The following KCNG2 variants were observed in gnomAD, a reference collection of about 807,000 sequenced individuals.
KCNG2 encodes the protein potassium voltage-gated channel modifier subfamily G member 2.
A neutral mutation model predicts 12.3 loss-of-function variants in KCNG2; 7 were observed. The observed-to-expected ratio is 0.57, with a 90% confidence interval of 0.32 to 1.07. The LOEUF (loss-of-function observed/expected upper bound fraction) is 1.07, where lower values mean the gene tolerates loss of function less well. KCNG2 is among the 50% of genes least tolerant of loss of function. The probability of loss-of-function intolerance (pLI) is 0.04; values close to 1 mark genes in which losing one functional copy is unlikely to be tolerated. For missense variants in KCNG2, 703 were observed against 726.0 expected (o/e 0.97, Z 0.36); for synonymous variants, 414 against 351.4 (o/e 1.18, Z -1.99).
At chr18:79,810,500 C>CAG (rs754271651) in intron 1 of KCNG2, among the ~76,000 whole-genome samples, 3 of 152,172 alleles carry the variant, frequency 2.0e-5, no homozygotes, top group Non-Finnish European at 2.9e-5. Flanking sequence ...TAGCCAGATG[C>CAG]AGTGGCTCAT....
At chr18:79,861,987 A>G (rs1979239136) in intron 2 of KCNG2, among the ~76,000 whole-genome samples, 1 of 152,154 alleles carries the variant, frequency 6.6e-6, no homozygotes, top group Non-Finnish European at 1.5e-5. Flanking sequence ...CTTTTTTTTA[A>G]TATAACTTCT....
chr18:79,866,503 G>T (rs62103182), intron 3 of KCNG2, among the ~76,000 whole-genome samples: 22,636 of 42,802 alleles, frequency 0.53, 9,567 homozygotes, highest in South Asian at 0.67. Context: ...GAGAGGTCTG[G>T]GTGCTGAGGT....
intron 1 of KCNG2, among the ~76,000 whole-genome samples, chr18:79,819,860 A>G (rs896916370): frequency 6.6e-6 from 1 of 152,308 alleles, no homozygotes; most frequent in African/African-American, 2.4e-5. Context: ...ACTCCCCCAT[A>G]GTGCCACCTC....
intron 1 of KCNG2, among the ~76,000 whole-genome samples, chr18:79,855,922 G>A (rs1041960199): frequency 8.5e-5 from 13 of 152,136 alleles, no homozygotes. Flanking sequence ...TTCCCCCTTT[G>A]ATGTGAACTT....
Position 79,863,690 on chromosome 18 carries a change from C to T in KCNG2, c.23C>T (p.Pro8Leu), listed in dbSNP as rs1171289966. 1.7e-6 allele frequency: 2 copies of T among 1,181,850 alleles called. No homozygotes were observed. Among genetic ancestry groups the T allele is most frequent in the Non-Finnish European group, 2.1e-6 (2 of 957,086 alleles). The allele number at this position is 1,181,850 out of a possible 1,614,324, so 73.2% of individuals were successfully genotyped here. A position where few individuals can be genotyped will look rare whatever the true frequency, so the allele number is the denominator to read the frequency against. MEPWPCS[P>L]GGGGGTRARH... ...CGCATGGAGCCATGGCCCTGCTCCC[C>T]GGGCGGCGGCGGCGGGACCCGCGCC... Residue 8 changes from proline (P) to leucine (L), a missense_variant, in exon 3 of 4, where the codon CCG (proline) becomes CTG (leucine). Transcript: ENST00000316249.
At chr18:79,814,652 A>C (rs907228269) in intron 1 of KCNG2, among the ~76,000 whole-genome samples, 3 of 152,262 alleles carry the variant, frequency 2.0e-5, no homozygotes, top group Non-Finnish European at 4.4e-5. Flanking sequence ...GTGAGATTGT[A>C]CTGCAGTTTT....
chr18:79,862,438 G>A (rs377080939), intron 2 of KCNG2, among the ~76,000 whole-genome samples: 1 of 152,120 alleles, frequency 6.6e-6, no homozygotes, highest in Admixed American at 6.5e-5. Context: ...TTTGCAGATG[G>A]GCTCTGCGTG....
chr18:79,863,802 C>CTG lies in KCNG2; in HGVS notation c.135_136insTG (p.Leu46CysfsTer20). 7.6e-7 allele frequency: 1 copy of CTG among 1,321,560 alleles called. No homozygotes were observed. The highest frequency in any genetic ancestry group is 9.7e-7 in the Non-Finnish European group (1 of 1,030,644). The allele number at this position is 1,321,560 out of a possible 1,614,324, so 81.9% of individuals were successfully genotyped here. Reference sequence around the variant, plus strand: ...GATGCCCCCTCGCGCGCCTGGAGCGCCTGCGCGCCTGCCGCGGCCACGACG... The same window carrying CTG: ...GATGCCCCCTCGCGCGCCTGGAGCGCTGCTGCGCGCCTGCCGCGGCCACGACG... On this transcript the variant is annotated frameshift_variant, in exon 3 of 4. Coordinates refer to ENST00000316249, the MANE Select transcript of KCNG2 (RefSeq NM_012283.2). LOFTEE classifies it high-confidence loss of function.
intron 3 of KCNG2, among the ~76,000 whole-genome samples, chr18:79,869,400 G>A (rs1180514670): frequency 6.6e-6 from 1 of 152,200 alleles, no homozygotes; most frequent in African/African-American, 2.4e-5. Context: ...CTCAGGACCT[G>A]AGAACCCGGC....
At chr18:79,895,686 T>C (rs749480620) in intron 3 of KCNG2, among the ~76,000 whole-genome samples, 10 of 151,968 alleles carry the variant, frequency 6.6e-5, no homozygotes, top group Non-Finnish European at 1.0e-4. Context: ...TTACGATTGA[T>C]ATAGTTGAGT....
intron 3 of KCNG2, among the ~76,000 whole-genome samples, chr18:79,867,596 G>GC (rs1237857028): frequency 8.6e-6 from 1 of 116,576 alleles, no homozygotes; most frequent in Non-Finnish European, 1.9e-5. Context: ...TGTCGTGTCT[G>GC]GGGGGGGACC....
intron 1 of KCNG2, among the ~76,000 whole-genome samples, chr18:79,855,646 G>A (rs2123054704): frequency 1.3e-5 from 2 of 152,012 alleles, no homozygotes; most frequent in Middle Eastern, 3.4e-3. Flanking sequence ...AAACCTTCTG[G>A]TACTGGCTGG....
chr18:79,876,269 C>G (rs534823613), intron 3 of KCNG2: 1 of 152,456 alleles, frequency 6.6e-6, no homozygotes, highest in African/African-American at 2.4e-5. Flanking sequence ...AAAAGCCCCA[C>G]TAGGCAGGTA....
At chr18:79,889,610 C>T (rs533817854) in intron 3 of KCNG2, among the ~76,000 whole-genome samples, 19 of 152,328 alleles carry the variant, frequency 1.2e-4, no homozygotes, top group East Asian at 1.9e-4. Context: ...GTTGAACTCA[C>T]TAGTTTGAAT....
intron 1 of KCNG2, among the ~76,000 whole-genome samples, chr18:79,851,634 G>A (rs756854300): frequency 1.3e-5 from 2 of 151,876 alleles, no homozygotes; most frequent in African/African-American, 2.4e-5. Flanking sequence ...GTGTATGTGC[G>A]GTGTGCAAGT....
In KCNG2 at chr18:79,899,050, C is replaced by A; in HGVS notation, c.635C>A (p.Ser212Tyr). The A allele has an allele frequency of 6.4e-7, 1 of 1,565,316 alleles. No individual in the cohort carries two copies. The change falls in exon 4 of 4, where the codon TCC (serine) becomes TAC (tyrosine). Residue 212 changes from serine (S) to tyrosine (Y), a missense_variant. Physicochemically the swap from Ser to Tyr is moderately radical, Grantham distance 144. Coordinates refer to ENST00000316249, the MANE Select transcript of KCNG2 (RefSeq NM_012283.2). ...CCCCTCTCCCCGCAGGGCGAGTGCT[C>A]CCCCAAGTGCCGCAGCCTGTTCGTG... Reference protein sequence around the residue: ...IRAEEERGECSPKCRSLFVLE... With the variant: ...IRAEEERGECYPKCRSLFVLE...
chr18:79,870,573 C>T (rs1230163467), intron 3 of KCNG2, among the ~76,000 whole-genome samples: 1 of 152,226 alleles, frequency 6.6e-6, no homozygotes, highest in African/African-American at 2.4e-5. Flanking sequence ...GACTGTGCAT[C>T]TGCTCACTGG....
chr18:79,846,482 T>G (rs1037104873), intron 1 of KCNG2, among the ~76,000 whole-genome samples: 3 of 151,812 alleles, frequency 2.0e-5, no homozygotes, highest in Non-Finnish European at 4.4e-5. Context: ...TGAACTCATA[T>G]GTGTATCAGA....
At chr18:79,842,435 A>C (rs1978489160) in intron 1 of KCNG2, among the ~76,000 whole-genome samples, 1 of 152,226 alleles carries the variant, frequency 6.6e-6, no homozygotes, top group South Asian at 2.1e-4. Flanking sequence ...ATACCAATGC[A>C]AGGGCACAAG....
Sources: allele counts gnomAD v4.1 joint callset (sites outside exome capture counted in the v4.1 genomes callset), GRCh38; gene constraint gnomAD v4.1.1; transcripts MANE v1.5; gene names NCBI Gene and HGNC (gene_info 2026-07-23, HGNC 2026-07-21).